MLLT3: variants seen among roughly 807,000 people sequenced by gnomAD.
The protein encoded by MLLT3 is MLLT3 super elongation complex subunit.
Under a neutral mutation model 53.2 loss-of-function variants are expected in MLLT3, and 4 were observed. That is an observed-to-expected ratio of 0.08 (90% CI 0.04 to 0.17). The LOEUF (loss-of-function observed/expected upper bound fraction) is 0.17, where lower values mean the gene tolerates loss of function less well. MLLT3 is among the 10% of genes least tolerant of loss of function. MLLT3 has a pLI of 1.00. For missense variants in MLLT3, 569 were observed against 684.0 expected (o/e 0.83, Z 1.87); for synonymous variants, 283 against 230.6 (o/e 1.23, Z -2.06).
intron 5 of MLLT3, among the ~76,000 whole-genome samples, chr9:20,371,743 T>C (rs1079492): frequency 0.26 from 39,269 of 152,188 alleles, 10,169 homozygotes; most frequent in East Asian, 0.71. Flanking sequence ...TGCCTGCTAA[T>C]ACATCTATTC....
chr9:20,523,903 G>A (rs1333279632), intron 2 of MLLT3, among the ~76,000 whole-genome samples: 1 of 151,888 alleles, frequency 6.6e-6, no homozygotes, highest in Admixed American at 6.6e-5. Context: ...TTCAGGAGGT[G>A]GAGGTTACAG....
chr9:20,512,573 A>G (rs1405923972), intron 2 of MLLT3, among the ~76,000 whole-genome samples: 1 of 152,248 alleles, frequency 6.6e-6, no homozygotes, highest in Non-Finnish European at 1.5e-5. Context: ...ATCTATGAGT[A>G]CAAGTGTTTT....
At chr9:20,414,755 C>A (rs1217174843) in intron 4 of MLLT3, among the ~76,000 whole-genome samples, 1 of 152,136 alleles carries the variant, frequency 6.6e-6, no homozygotes, top group Non-Finnish European at 1.5e-5. Context: ...ATGGACCCCA[C>A]CCTTAATAAC....
chr9:20,373,800 C>A (rs1821682189), intron 5 of MLLT3, among the ~76,000 whole-genome samples: 1 of 152,100 alleles, frequency 6.6e-6, no homozygotes, highest in South Asian at 2.1e-4. Context: ...TCTTCTTTCA[C>A]AAATATCCAG....
intron 4 of MLLT3, among the ~76,000 whole-genome samples, chr9:20,425,261 T>A (rs1258305355): frequency 6.6e-6 from 1 of 152,140 alleles, no homozygotes; most frequent in Non-Finnish European, 1.5e-5. Context: ...ATGGGTTAGA[T>A]TCTCATGTAA....
intron 2 of MLLT3, among the ~76,000 whole-genome samples, chr9:20,566,042 T>TTA (rs1196053367): frequency 8.5e-4 from 102 of 120,178 alleles, no homozygotes; most frequent in East Asian, 7.0e-3. Context: ...ATTTATTTAT[T>TTA]TATATATATA....
intron 3 of MLLT3, among the ~76,000 whole-genome samples, chr9:20,455,365 A>C (rs182675741): frequency 1.9e-3 from 287 of 152,358 alleles, no homozygotes; most frequent in African/African-American, 6.7e-3. Flanking sequence ...TAAGTTAAAA[A>C]GGCCAGTGTG....
intron 2 of MLLT3, among the ~76,000 whole-genome samples, chr9:20,583,146 CCAAA>C (rs1412673726): frequency 6.6e-6 from 1 of 152,050 alleles, no homozygotes; most frequent in Non-Finnish European, 1.5e-5. Flanking sequence ...GAGAAACTGG[CCAAA>C]CAAAGGAGTT....
chr9:20,396,533 T>G (rs1170719961), intron 5 of MLLT3, among the ~76,000 whole-genome samples: 2 of 152,060 alleles, frequency 1.3e-5, no homozygotes, highest in African/African-American at 4.8e-5. Flanking sequence ...GGTGTTAGTT[T>G]TTCAATTGGT....
intron 4 of MLLT3, among the ~76,000 whole-genome samples, chr9:20,425,659 A>G (rs1823122964): frequency 6.6e-6 from 1 of 152,110 alleles, no homozygotes; most frequent in African/African-American, 2.4e-5. Flanking sequence ...TCAAGCATCA[A>G]TCTACAGACG....
At position 20,486,638 on chromosome 9, in the gene MLLT3, C is replaced by T. The variant is rs115992051; in HGVS notation, c.194-29852G>A. ...TAAATAAGGTAAGGTTACACTCCTACAATGCAAATTGGTATCACCTCTTTG... is the reference window on the plus strand; with the variant it reads ...TAAATAAGGTAAGGTTACACTCCTATAATGCAAATTGGTATCACCTCTTTG... On this transcript the variant is annotated intron_variant, in intron 2 of 10. Coordinates refer to ENST00000380338, the MANE Select transcript of MLLT3 (RefSeq NM_004529.4). Among the ~76,000 whole-genome samples, 571 of 152,280 alleles carry T rather than the reference C, an allele frequency of 3.7e-3. 7 individuals are homozygous for T. Among genetic ancestry groups the T allele is most frequent in the African/African-American group, 0.011 (477 of 41,550 alleles).
chr9:20,468,286 T>C (rs754899739), intron 2 of MLLT3, among the ~76,000 whole-genome samples: 7 of 152,230 alleles, frequency 4.6e-5, no homozygotes, highest in Non-Finnish European at 8.8e-5. Flanking sequence ...ATATTTGCCA[T>C]CAGTATAATT....
At chr9:20,525,334 T>A (rs1443848390) in intron 2 of MLLT3, among the ~76,000 whole-genome samples, 1 of 151,940 alleles carries the variant, frequency 6.6e-6, no homozygotes, top group Non-Finnish European at 1.5e-5. Context: ...CTGTCTGTAC[T>A]AAAAGTACAA....
intron 2 of MLLT3, among the ~76,000 whole-genome samples, chr9:20,600,490 T>C (rs1440201692): frequency 2.0e-5 from 3 of 152,248 alleles, no homozygotes; most frequent in Non-Finnish European, 2.9e-5. Context: ...TCTGTAAGGA[T>C]GTATCCTTCT....
intron 2 of MLLT3, among the ~76,000 whole-genome samples, chr9:20,538,428 G>C (rs1587043180): frequency 6.6e-6 from 1 of 152,264 alleles, no homozygotes. Flanking sequence ...CACATTTCTA[G>C]AGCATGCCAT....
intron 2 of MLLT3, among the ~76,000 whole-genome samples, chr9:20,491,296 T>C (rs2118922594): frequency 6.6e-6 from 1 of 152,106 alleles, no homozygotes; most frequent in Non-Finnish European, 1.5e-5. Flanking sequence ...TGGTATTATA[T>C]GAAGAAAAAA....
chr9:20,435,380 C>G lies in MLLT3; in HGVS notation c.420+12743G>C, dbSNP rs368876349. On this transcript the variant is annotated intron_variant, in intron 4 of 10. Transcript: ENST00000380338. ...AAAGAAGAAACTGAGGTAGATTATT[C>G]CAATCCTATTAAAAGATGAGAATTT... Among the ~76,000 whole-genome samples the G allele has an allele frequency of 9.2e-5, 14 of 152,116 alleles. No individual in the cohort carries two copies. The South Asian group carries it at 2.9e-3, about 32-fold the overall frequency.
chr9:20,577,378 T>A (rs1308785439), intron 2 of MLLT3, among the ~76,000 whole-genome samples: 2 of 152,190 alleles, frequency 1.3e-5, no homozygotes, highest in African/African-American at 4.8e-5. Context: ...TCCAGGAGTA[T>A]AACCATTTGT....
At chr9:20,427,383 A>G (rs964428137) in intron 4 of MLLT3, among the ~76,000 whole-genome samples, 3 of 152,086 alleles carry the variant, frequency 2.0e-5, no homozygotes, top group Admixed American at 6.5e-5. Context: ...GCTGAAAAGA[A>G]TTAGTGAACT....
Sources: allele counts gnomAD v4.1 joint callset (sites outside exome capture counted in the v4.1 genomes callset), GRCh38; gene constraint gnomAD v4.1.1; transcripts MANE v1.5; gene names NCBI Gene and HGNC (gene_info 2026-07-23, HGNC 2026-07-21).